Variants in CREB3L3 observed in about 807,000 individuals in gnomAD.
The protein encoded by CREB3L3 is cAMP responsive element binding protein 3 like 3.
Under a neutral mutation model 44.6 loss-of-function variants are expected in CREB3L3, and 40 were observed. The observed-to-expected ratio is 0.90, with a 90% CI of 0.70 to 1.17. The LOEUF (loss-of-function observed/expected upper bound fraction) is 1.17, where lower values mean the gene tolerates loss of function less well. CREB3L3 is among the 50% of genes most tolerant of loss of function. The pLI is 0.00. For missense variants in CREB3L3, 578 were observed against 595.8 expected, an observed-to-expected ratio of 0.97 and a Z score of 0.31; for synonymous variants, 273 against 256.3, an observed-to-expected ratio of 1.06 and a Z score of -0.62.
chr19:4,164,874 A>G (rs958434222), intron 5 of CREB3L3, among the ~76,000 whole-genome samples: 4 of 151,858 alleles, frequency 2.6e-5, no homozygotes, highest in African/African-American at 9.7e-5. Context: ...ACGCCCAGCT[A>G]ATTTTTGTAT....
chr19:4,162,516 C>CAA lies in CREB3L3; in HGVS notation c.577-1970_577-1969dup, dbSNP rs777481446. Among the ~76,000 whole-genome samples, 5 of 96,754 alleles carry CAA rather than the reference C, an allele frequency of 5.2e-5. 1 individual carries two copies. Among genetic ancestry groups the CAA allele is most frequent in the Non-Finnish European group, 1.9e-5 (1 of 51,524 alleles). The allele number at this position is 96,754 out of a possible 152,430, so 63.5% of individuals were successfully genotyped here. A position where few individuals can be genotyped will look rare whatever the true frequency, so the allele number is the denominator to read the frequency against. ...GCAACATAGCAAGACCTCGTCTCTA[C>CAA]AAAAAAAAAAAAAAAAAATTAGCTG... On this transcript the variant is annotated intron_variant, in intron 4 of 9. Transcript: ENST00000078445.
chr19:4,164,308 A>G, intron 4 of CREB3L3, 195 bp from the exon 5 acceptor site: 2 of 666,828 alleles, frequency 3.0e-6, no homozygotes, highest in South Asian at 1.6e-5. Context: ...AGGTTTCATC[A>G]TGTTACCCAG....
At chr19:4,167,733 T>C (rs944479851) in intron 5 of CREB3L3, among the ~76,000 whole-genome samples, 9 of 152,058 alleles carry the variant, frequency 5.9e-5, no homozygotes, top group African/African-American at 1.4e-4. Flanking sequence ...TTTTACAGTA[T>C]TGGGAGCTGG....
intron 3 of CREB3L3, among the ~76,000 whole-genome samples, chr19:4,157,649 C>T (rs2041602783): frequency 6.6e-6 from 1 of 152,092 alleles, no homozygotes; most frequent in African/African-American, 2.4e-5. Flanking sequence ...GTGTCTGTAC[C>T]CCGTGCCTGG....
chr19:4,153,865 C>G, intron 1 of CREB3L3, 91 bp downstream of exon 1: 1 of 1,375,770 alleles, frequency 7.3e-7, no homozygotes, highest in Non-Finnish European at 1.0e-6. Context: ...CATCTCCACC[C>G]CTATTGTACA....
At chr19:4,168,504 G>A (rs757243986) in intron 6 of CREB3L3, 47 bp downstream of exon 6, 1 of 1,461,980 alleles carries the variant, frequency 6.8e-7, no homozygotes, top group Non-Finnish European at 9.4e-7. Context: ...GGAAACTGAG[G>A]CCCAGAGAGA....
chr19:4,163,351 A>AGAAGGAAGGAAGGAAGGAAGGAAGGAAG (rs1555703364), intron 4 of CREB3L3, among the ~76,000 whole-genome samples: 2 of 117,198 alleles, frequency 1.7e-5, no homozygotes, highest in Non-Finnish European at 3.7e-5. Flanking sequence ...AAAGAAAGAA[A>AGAAGGAAGGAAGGAAGGAAGGAAGGAAG]GAAGGAAGGA....
At chr19:4,157,770 C>G (rs997665064) in intron 3 of CREB3L3, among the ~76,000 whole-genome samples, 2 of 152,156 alleles carry the variant, frequency 1.3e-5, no homozygotes, top group African/African-American at 2.4e-5. Context: ...ACTGCAACCT[C>G]TGCCTTCCAG....
intron 4 of CREB3L3, 34 bp from the exon 5 acceptor site, chr19:4,164,469 G>A (rs1293229367): frequency 1.2e-6 from 2 of 1,613,112 alleles, no homozygotes; most frequent in East Asian, 2.2e-5. Context: ...TGGCGTCCCT[G>A]CACCCGCCGT....
intron 3 of CREB3L3, among the ~76,000 whole-genome samples, chr19:4,158,572 C>T (rs950678111): frequency 6.6e-6 from 1 of 151,824 alleles, no homozygotes; most frequent in African/African-American, 2.4e-5. Context: ...GAGGCCGAAG[C>T]GAGCGGATCA....
At chr19:4,161,187 C>A (rs899004318) in intron 4 of CREB3L3, among the ~76,000 whole-genome samples, 2 of 152,134 alleles carry the variant, frequency 1.3e-5, no homozygotes, top group African/African-American at 2.4e-5. Context: ...TGGTCTCGAT[C>A]TCCTGACCTC....
chr19:4,163,166 G>A (rs2145129712), intron 4 of CREB3L3, among the ~76,000 whole-genome samples: 1 of 151,430 alleles, frequency 6.6e-6, no homozygotes, highest in South Asian at 2.1e-4. Context: ...AAATTAGCCG[G>A]GCGTGGTGGC....
intron 2 of CREB3L3, among the ~76,000 whole-genome samples, chr19:4,156,693 G>A (rs572384005): frequency 6.6e-6 from 1 of 150,646 alleles, no homozygotes; most frequent in Non-Finnish European, 1.5e-5. Context: ...GAAGAAATGG[G>A]GTTTCATCAT....
intron 5 of CREB3L3, among the ~76,000 whole-genome samples, chr19:4,167,973 T>TTTTATTTA (rs58194210): frequency 0.42 from 60,788 of 144,606 alleles, 13,589 homozygotes; most frequent in African/African-American, 0.5. Flanking sequence ...ATTTTAATTA[T>TTTTATTTA]TTTATTTATT....
Position 4,171,334 on chromosome 19 carries a change from C to A in CREB3L3, c.976-49C>A. The A allele has an allele frequency of 6.7e-7, 1 of 1,503,212 alleles. No individual in the cohort carries two copies. The highest frequency in any genetic ancestry group is 9.2e-7 in the Non-Finnish European group (1 of 1,091,146). 93.1% of individuals were successfully genotyped at this position (1,503,212 alleles called of 1,614,324 possible). On this transcript the variant is annotated intron_variant, in intron 8 of 9. Coordinates refer to ENST00000078445, the MANE Select transcript of CREB3L3 (RefSeq NM_032607.3). This position sits in a 1 kb window ranked among gnomAD's most constrained non-coding sequence, Gnocchi z 4.9. ...TTTCCCTGCCTGTGGGATGGAGATGCTTGCAGGGGAGGGGAGGGAGGGGGT... is the reference window on the plus strand; with the variant it reads ...TTTCCCTGCCTGTGGGATGGAGATGATTGCAGGGGAGGGGAGGGAGGGGGT...
Position 4,167,356 on chromosome 19 carries a change from G to A in CREB3L3, c.715-995G>A, listed in dbSNP as rs7259865. Among the ~76,000 whole-genome samples the A allele has an allele frequency of 1.8e-3, 164 of 88,934 alleles. 1 individual carries two copies. The highest frequency in any genetic ancestry group is 7.8e-3 in the African/African-American group (120 of 15,300). The allele number at this position is 88,934 out of a possible 152,430, so 58.3% of individuals were successfully genotyped here. A position where few individuals can be genotyped will look rare whatever the true frequency, so the allele number is the denominator to read the frequency against. On this transcript the variant is annotated intron_variant, in intron 5 of 9. Transcript: ENST00000078445. ...GAAACAAGAAAGAAAGAAAGAAAGA[G>A]AGAGAGAGAGAGAGAGAGAAAAGGA... is the stretch of plus-strand genomic sequence containing the variant.
Position 4,163,555 on chromosome 19 carries a change from G to C in CREB3L3, c.577-948G>C, listed in dbSNP as rs530928885. Among the ~76,000 whole-genome samples, 2 of 152,170 alleles carry C rather than the reference G, an allele frequency of 1.3e-5. 1 individual carries two copies. The highest frequency in any genetic ancestry group is 4.1e-4 in the South Asian group (2 of 4,820). On this transcript the variant is annotated intron_variant, in intron 4 of 9. Coordinates refer to ENST00000078445, the MANE Select transcript of CREB3L3 (RefSeq NM_032607.3). The stretch of plus-strand genomic sequence containing the variant: ...TTTTTGTTGTTGCTGTTTTGAGACA[G>C]AATTTCTGTCGCCCAGGCTGGATCT...
Position 4,172,185 on chromosome 19 carries a change from C to T in CREB3L3, c.*216C>T. ...CACAAGGCAAAGAGGGCCACAGGAC[C>T]CGGGAAATACACACAGAGCCAGGAG... On this transcript the variant is annotated 3_prime_UTR_variant, in exon 10 of 10. Transcript: ENST00000078445. 1.6e-6 allele frequency: 1 copy of T among 607,384 alleles called. No individual in the cohort carries two copies. The highest frequency in any genetic ancestry group is 2.0e-5 in the South Asian group (1 of 49,196). 37.6% of individuals were successfully genotyped at this position (607,384 alleles called of 1,614,324 possible).
intron 1 of CREB3L3, 98 bp from the exon 2 acceptor site, chr19:4,154,801 A>T: frequency 6.3e-7 from 1 of 1,581,602 alleles, no homozygotes; most frequent in African/African-American, 1.3e-5. Context: ...CAGAGCGGCA[A>T]CTGAACTCTA....
Sources: gnomAD v4.1 joint callset for allele counts (sites outside exome capture counted in the v4.1 genomes callset) on GRCh38, gnomAD v4.1.1 for gene constraint, Gnocchi (gnomAD v3.1) non-coding constraint, MANE v1.5 for transcripts, NCBI Gene and HGNC (gene_info 2026-07-23, HGNC 2026-07-21) for gene names.